The following PPFIA2 variants were observed in gnomAD, a reference collection of about 807,000 sequenced individuals.
PPFIA2 encodes the protein liprin-alpha-2.
A neutral mutation model predicts 175.5 loss-of-function variants in PPFIA2; 46 were observed. The ratio of observed to expected loss-of-function variants is 0.26; its 90% CI spans 0.21 to 0.34. The LOEUF is 0.34. PPFIA2 is among the 10% of genes least tolerant of loss of function. The pLI is 1.00. For synonymous variants in PPFIA2, 568 were observed against 511.4 expected, an observed-to-expected ratio of 1.11 and a Z score of -1.49; for missense variants, 1,179 against 1,506.1, an observed-to-expected ratio of 0.78 and a Z score of 3.60.
At chr12:81,669,464 T>C (rs1461004423) in intron 4 of PPFIA2, among the ~76,000 whole-genome samples, 5 of 151,958 alleles carry the variant, frequency 3.3e-5, no homozygotes, top group East Asian at 1.9e-4. Context: ...TATTCTATAA[T>C]AGTGAAAGAA....
At chr12:81,536,739 C>T (rs933799346) in intron 4 of PPFIA2, among the ~76,000 whole-genome samples, 5 of 90,756 alleles carry the variant, frequency 5.5e-5, no homozygotes, top group African/African-American at 1.7e-4. Context: ...AATATATATA[C>T]ATAAACATAT....
At chr12:81,684,445 G>T (rs1347854933) in intron 3 of PPFIA2, among the ~76,000 whole-genome samples, 1 of 151,990 alleles carries the variant, frequency 6.6e-6, no homozygotes, top group East Asian at 1.9e-4. Flanking sequence ...CTATAGAACA[G>T]CTTGCCACAC....
intron 4 of PPFIA2, among the ~76,000 whole-genome samples, chr12:81,585,794 T>C (rs895514510): frequency 5.9e-5 from 9 of 151,980 alleles, no homozygotes; most frequent in Admixed American, 5.3e-4. Context: ...AGTAAATGTA[T>C]AATCCAGTAA....
Position 81,684,776 on chromosome 12 carries a change from T to C in PPFIA2, c.250-7932A>G, listed in dbSNP as rs117226392. 9.4e-3 allele frequency among the ~76,000 whole-genome samples: 1,438 copies of C among 152,200 alleles called. 3 individuals are homozygous for C. Among genetic ancestry groups the C allele is most frequent in the Non-Finnish European group, 0.014 (936 of 67,978 alleles). On this transcript the variant is annotated intron_variant, in intron 3 of 32. Coordinates refer to ENST00000549396, the MANE Select transcript of PPFIA2 (RefSeq NM_003625.5). ...TTTCTGTTCCATCATATATCACTAA[T>C]GAGACATCCTCCTGAAAGAAAAACT...
intron 4 of PPFIA2, among the ~76,000 whole-genome samples, chr12:81,463,190 A>T (rs1437652112): frequency 6.6e-6 from 1 of 152,054 alleles, no homozygotes; most frequent in East Asian, 1.9e-4. Context: ...AGCAACATGG[A>T]AAGATTTCAA....
At chr12:81,281,896 C>A (rs762982161) in intron 26 of PPFIA2, among the ~76,000 whole-genome samples, 1 of 152,002 alleles carries the variant, frequency 6.6e-6, no homozygotes, top group Non-Finnish European at 1.5e-5. Context: ...ATGGGAACCT[C>A]AGTAAACAGA....
intron 4 of PPFIA2, among the ~76,000 whole-genome samples, chr12:81,571,413 T>A (rs2072520606): frequency 6.6e-6 from 1 of 152,116 alleles, no homozygotes. Flanking sequence ...CCATTTGACC[T>A]AGCTACCAGC....
At chr12:81,360,862 C>T (rs2029866427) in intron 15 of PPFIA2, among the ~76,000 whole-genome samples, 1 of 151,154 alleles carries the variant, frequency 6.6e-6, no homozygotes, top group African/African-American at 2.4e-5. Flanking sequence ...ACATATAATC[C>T]CTACTGCTTG....
At chr12:81,383,748 T>G (rs1396373142) in intron 9 of PPFIA2, among the ~76,000 whole-genome samples, 2 of 152,140 alleles carry the variant, frequency 1.3e-5, no homozygotes, top group Admixed American at 6.6e-5. Context: ...ATTAAAAGCT[T>G]ACATTTAAAA....
intron 7 of PPFIA2, among the ~76,000 whole-genome samples, chr12:81,413,374 T>C (rs1032181698): frequency 1.3e-5 from 2 of 151,854 alleles, no homozygotes; most frequent in African/African-American, 4.8e-5. Flanking sequence ...ATATAAGAAC[T>C]TGAAGGTCTT....
At chr12:81,701,181 A>C (rs780677379) in intron 3 of PPFIA2, among the ~76,000 whole-genome samples, 1 of 152,150 alleles carries the variant, frequency 6.6e-6, no homozygotes, top group Non-Finnish European at 1.5e-5. Context: ...GGTGCACAAT[A>C]CAAAGGATTG....
At chr12:81,313,762 A>C (rs2051575173) in intron 22 of PPFIA2, among the ~76,000 whole-genome samples, 1 of 152,116 alleles carries the variant, frequency 6.6e-6, no homozygotes, top group East Asian at 1.9e-4. Context: ...AGTTATCACC[A>C]TGGACAACAT....
chr12:81,520,618 T>C (rs2063006385), intron 4 of PPFIA2, among the ~76,000 whole-genome samples: 1 of 152,220 alleles, frequency 6.6e-6, no homozygotes, highest in Non-Finnish European at 1.5e-5. Context: ...GTCAGGTGCT[T>C]TGACATGTCT....
intron 4 of PPFIA2, among the ~76,000 whole-genome samples, chr12:81,503,946 A>G (rs1594126745): frequency 1.3e-5 from 2 of 152,074 alleles, no homozygotes; most frequent in South Asian, 4.1e-4. Flanking sequence ...AGCAAATACA[A>G]TTAAGTACAA....
intron 4 of PPFIA2, among the ~76,000 whole-genome samples, chr12:81,625,044 A>G (rs1210676495): frequency 6.6e-6 from 1 of 151,922 alleles, no homozygotes; most frequent in Non-Finnish European, 1.5e-5. Context: ...AAATGTCACT[A>G]CGATCCCTAA....
intron 4 of PPFIA2, among the ~76,000 whole-genome samples, chr12:81,623,102 G>T (rs991143849): frequency 2.6e-5 from 4 of 152,064 alleles, no homozygotes; most frequent in Non-Finnish European, 4.4e-5. Flanking sequence ...GAAAGAAGAA[G>T]TTGAAACAAA....
chr12:81,269,212 G>A (rs986214556), intron 28 of PPFIA2, among the ~76,000 whole-genome samples: 12 of 151,686 alleles, frequency 7.9e-5, no homozygotes, highest in East Asian at 1.9e-4. Flanking sequence ...AAAATAGTCC[G>A]AAGGACTAAA....
intron 4 of PPFIA2, among the ~76,000 whole-genome samples, chr12:81,464,349 A>G (rs1213565605): frequency 6.6e-6 from 1 of 152,156 alleles, no homozygotes; most frequent in African/African-American, 2.4e-5. Context: ...TGAGAAAAGT[A>G]GAAGAGATTG....
At chr12:81,375,699 A>G in intron 10 of PPFIA2, 97 bp downstream of exon 10, 1 of 1,245,454 alleles carries the variant, frequency 8.0e-7, no homozygotes, top group Non-Finnish European at 1.1e-6. Flanking sequence ...ATGATTACTC[A>G]AACATCTGTC....
Sources: allele counts gnomAD v4.1 joint callset (sites outside exome capture counted in the v4.1 genomes callset), GRCh38; gene constraint gnomAD v4.1.1; transcripts MANE v1.5; gene names NCBI Gene and HGNC (gene_info 2026-07-23, HGNC 2026-07-21).